The following URB1 variants were observed in gnomAD, a reference collection of about 807,000 sequenced individuals.
URB1 encodes URB1 ribosome biogenesis factor, also known as nucleolar pre-ribosomal-associated protein 1.
In URB1, 197 loss-of-function variants were observed where a neutral mutation model predicts 242.3. That is an observed-to-expected ratio of 0.81 (90% CI 0.72 to 0.91). The LOEUF (loss-of-function observed/expected upper bound fraction) is 0.91, where lower values mean the gene tolerates loss of function less well. Among genes scored for constraint, URB1 ranks in the 40% least tolerant of loss-of-function variants. The pLI is 0.00. For missense variants in URB1, 2,721 were observed against 2,860.5 expected (o/e 0.95, Z 1.11); for synonymous variants, 1,153 against 1,201.8 (o/e 0.96, Z 0.84).
chr21:32,368,278 G>C (rs1162782727), intron 9 of URB1, 125 bp downstream of exon 9: 14 of 797,670 alleles, frequency 1.8e-5, no homozygotes, highest in Admixed American at 1.7e-4. Context: ...ACGTTGGCCA[G>C]GCTGGTCTCA....
At chr21:32,376,061 T>C (rs796920344) in intron 5 of URB1, among the ~76,000 whole-genome samples, 5 of 152,358 alleles carry the variant, frequency 3.3e-5, no homozygotes, top group African/African-American at 1.2e-4. Context: ...AGTAGGTCTT[T>C]AGTTCCATTT....
chr21:32,377,447 C>A (rs1012705273), intron 5 of URB1: 2 of 371,162 alleles, frequency 5.4e-6, no homozygotes, highest in African/African-American at 2.2e-5. Context: ...AAAGGCCAGA[C>A]AGCTGAAATG....
At chr21:32,359,354 C>T (rs540701388) in intron 14 of URB1, among the ~76,000 whole-genome samples, 1 of 152,176 alleles carries the variant, frequency 6.6e-6, no homozygotes, top group South Asian at 2.1e-4. Context: ...TATTAAAGAC[C>T]TAGAAAAAAA....
chr21:32,346,947 T>C lies in URB1; in HGVS notation c.3868+9A>G, dbSNP rs1341240263. The C allele has an allele frequency of 1.3e-6, 2 of 1,490,190 alleles. No homozygotes were observed. The highest frequency in any genetic ancestry group is 2.5e-5 in the East Asian group (1 of 39,702). The allele number at this position is 1,490,190 out of a possible 1,614,324, so 92.3% of individuals were successfully genotyped here. On this transcript the variant is annotated intron_variant, in intron 22 of 38. Transcript: ENST00000382751. Reference sequence around the variant, plus strand: ...GACCCCAGCTGCCCAAAGCTAGCCTTTCCCTTACCTCCTGCTGGGCGTGTG... The same window carrying C: ...GACCCCAGCTGCCCAAAGCTAGCCTCTCCCTTACCTCCTGCTGGGCGTGTG...
rs553015723 is a variant in URB1 at position 32,351,876 on chromosome 21, C to T, written c.2613+834G>A. The stretch of plus-strand genomic sequence containing the variant: ...TGGAGCCAGACTGCCTGGGCCAAAT[C>T]CTGACTCCGCCACTGACTGGTGTTG... On this transcript the variant is annotated intron_variant, in intron 19 of 38. Transcript: ENST00000382751. Among the ~76,000 whole-genome samples the T allele has an allele frequency of 3.3e-5, 5 of 152,356 alleles. No homozygotes were observed. The South Asian group carries it at 1.0e-3, about 32-fold the overall frequency.
intron 35 of URB1, among the ~76,000 whole-genome samples, chr21:32,320,080 C>G (rs2123543115): frequency 6.6e-6 from 1 of 152,350 alleles, no homozygotes. Context: ...GGGCTCATCA[C>G]TGAGGACAGA....
chr21:32,336,506 C>G (rs982314894), intron 28 of URB1, among the ~76,000 whole-genome samples: 4 of 152,184 alleles, frequency 2.6e-5, no homozygotes, highest in Non-Finnish European at 4.4e-5. Flanking sequence ...TGATCAAGCT[C>G]CTGCTTAGGT....
At position 32,314,727 on chromosome 21, in the gene URB1, C is replaced by G. The variant is rs1452516373; in HGVS notation, c.*191G>C. The G allele has an allele frequency of 1.3e-6, 2 of 1,515,878 alleles. No homozygotes were observed. Among genetic ancestry groups the G allele is most frequent in the Non-Finnish European group, 9.1e-7 (1 of 1,095,232 alleles). 93.9% of individuals were successfully genotyped at this position (1,515,878 alleles called of 1,614,324 possible). A position where few individuals can be genotyped will look rare whatever the true frequency, so the allele number is the denominator to read the frequency against. On this transcript the variant is annotated 3_prime_UTR_variant, in exon 39 of 39. Transcript: ENST00000382751. The stretch of plus-strand genomic sequence containing the variant: ...AACTCTGATGCTGGGCACCTACAGG[C>G]CCGAGTTTATCATTTACTGGGCAGT...
chr21:32,384,515 C>T, intron 2 of URB1, 51 bp from the exon 3 acceptor site: 3 of 1,534,828 alleles, frequency 2.0e-6, no homozygotes, highest in Non-Finnish European at 2.6e-6. Flanking sequence ...TCCTTTCCTC[C>T]TGTACATATA....
Position 32,347,113 on chromosome 21 carries a change from GAGCAGGGC to G in URB1, c.3703_3710del (p.Ala1235ProfsTer75), listed in dbSNP as rs1293722544. 6.5e-7 allele frequency: 1 copy of G among 1,549,676 alleles called. No homozygotes were observed. The highest frequency in any genetic ancestry group is 1.4e-5 in the African/African-American group (1 of 73,026). ...GCAAGTGGGTGCAGCTCTCCTGGAG[GAGCAGGGC>G]AGCGATGCTGAGGGCCGCCTGTGTG... On this transcript the variant is annotated frameshift_variant, in exon 22 of 39. Transcript: ENST00000382751. LOFTEE classifies it high-confidence loss of function.
At chr21:32,325,443 T>G in intron 30 of URB1, 54 bp from the exon 31 acceptor site, 12 of 1,506,326 alleles carry the variant, frequency 8.0e-6, no homozygotes, top group Non-Finnish European at 1.1e-5. Flanking sequence ...TTATTATTCT[T>G]GTTAACCTGG....
rs200555493 is a variant in URB1, at chr21:32,353,994, C to T, written c.2355G>A (p.Ala785=). 6.9e-4 allele frequency: 1,075 copies of T among 1,551,778 alleles called. 3 individuals carry two copies. The highest frequency in any genetic ancestry group is 1.6e-3 in the South Asian group (135 of 84,058). Residue 785 remains alanine, a synonymous_variant, in exon 18 of 39, where the codon GCG becomes GCA. Transcript: ENST00000382751. ...DMILLTFPFS[A]VVPAALEARN... Reference sequence around the variant, plus strand: ...TGGCTTCCAGGGCCGCAGGGACTACCGCACTGAATGGGAACGTGAGCAGGA... The same window carrying T: ...TGGCTTCCAGGGCCGCAGGGACTACTGCACTGAATGGGAACGTGAGCAGGA...
intron 30 of URB1, among the ~76,000 whole-genome samples, chr21:32,328,098 C>T (rs8133919): frequency 0.23 from 34,330 of 152,142 alleles, 4,772 homozygotes; most frequent in East Asian, 0.42. Flanking sequence ...AGTCAGATGA[C>T]TCTTGGGCAT....
At chr21:32,389,270 G>A (rs2033614501) in intron 1 of URB1, among the ~76,000 whole-genome samples, 1 of 152,180 alleles carries the variant, frequency 6.6e-6, no homozygotes, top group Admixed American at 6.5e-5. Context: ...GTGACTGAGT[G>A]AGTGGGGGAG....
At chr21:32,315,925 C>T (rs988064673) in intron 38 of URB1, among the ~76,000 whole-genome samples, 2 of 152,238 alleles carry the variant, frequency 1.3e-5, no homozygotes, top group African/African-American at 4.8e-5. Flanking sequence ...CCACACCCAC[C>T]TCCCTGGAGC....
chr21:32,312,174 G>A lies in URB1; in HGVS notation c.*2744C>T. 4 of 1,510,982 alleles carry A rather than the reference G, an allele frequency of 2.6e-6. No individual in the cohort carries two copies. The highest frequency in any genetic ancestry group is 1.3e-5 in the South Asian group (1 of 78,890). 93.6% of individuals were successfully genotyped at this position (1,510,982 alleles called of 1,614,324 possible). ...CAAAGATTGCAGTGGCCCCTCGAGT[G>A]CAGAGGTCATCCCAGGTGTTGCTGA... On this transcript the variant is annotated 3_prime_UTR_variant, in exon 39 of 39. Coordinates refer to ENST00000382751, the MANE Select transcript of URB1 (RefSeq NM_014825.3).
In URB1 at chr21:32,341,476, T is replaced by C; in HGVS notation, c.4306A>G (p.Lys1436Glu). The change falls in exon 25 of 39, where the codon AAG becomes GAG. Residue 1436 changes from lysine to glutamate, a missense_variant. Transcript: ENST00000382751. ...ATAAAATCAACTTACTTGAGTCCCT[T>C]CTTCACGAATTTCTGCCAGTCACCA... is the stretch of plus-strand genomic sequence containing the variant. ...DPGDWQKFVKKGLKFRYQDHT... is the reference protein window; with the variant it reads ...DPGDWQKFVKEGLKFRYQDHT... 6.4e-7 allele frequency: 1 copy of C among 1,551,604 alleles called. No individual in the cohort carries two copies. The highest frequency in any genetic ancestry group is 1.4e-5 in the African/African-American group (1 of 73,166).
intron 15 of URB1, among the ~76,000 whole-genome samples, chr21:32,357,336 T>G (rs1234726971): frequency 6.6e-6 from 1 of 151,430 alleles, no homozygotes; most frequent in Non-Finnish European, 1.5e-5. Context: ...AAAAAAACAT[T>G]TTTCCAATGC....
chr21:32,339,257 G>C (rs948392127), intron 25 of URB1, among the ~76,000 whole-genome samples: 2 of 152,210 alleles, frequency 1.3e-5, no homozygotes, highest in Non-Finnish European at 2.9e-5. Flanking sequence ...GCCTCCCAAA[G>C]TGCAGGGATT....
Sources: gnomAD v4.1 joint callset for allele counts (sites outside exome capture counted in the v4.1 genomes callset) on GRCh38, gnomAD v4.1.1 for gene constraint, MANE v1.5 for transcripts, NCBI Gene and HGNC (gene_info 2026-07-23, HGNC 2026-07-21) for gene names.